The following ABL2 variants were observed in gnomAD, a reference collection of about 807,000 sequenced individuals.
ABL2 encodes ABL proto-oncogene 2, non-receptor tyrosine kinase.
In ABL2, 49 loss-of-function variants were observed where a neutral mutation model predicts 107.7. The observed-to-expected ratio is 0.45, with a 90% confidence interval of 0.36 to 0.58. ABL2 has a LOEUF of 0.58. Ranked by LOEUF, ABL2 falls within the 20% of genes least tolerant of loss-of-function variation. The pLI, the probability that ABL2 is intolerant of heterozygous loss-of-function variation, is 0.00. For synonymous variants in ABL2, 549 were observed against 548.6 expected, an observed-to-expected ratio of 1.00 and a Z score of -0.01; for missense variants, 1,245 against 1,457.0, an observed-to-expected ratio of 0.85 and a Z score of 2.37.
chr1:179,184,559 AAGG>A (rs1383440055), intron 1 of ABL2: 5 of 574,348 alleles, frequency 8.7e-6, no homozygotes, highest in Admixed American at 7.9e-5. Flanking sequence ...ATGGATGAAG[AAGG>A]AGGAGAAGAT....
At chr1:179,217,476 A>G (rs1408896446) in intron 1 of ABL2, among the ~76,000 whole-genome samples, 2 of 151,740 alleles carry the variant, frequency 1.3e-5, no homozygotes, top group Non-Finnish European at 2.9e-5. Flanking sequence ...AAACACAAAA[A>G]TTAGCCGAGT....
intron 10 of ABL2, 31 bp downstream of exon 10, chr1:179,112,278 G>A: frequency 3.8e-6 from 6 of 1,580,874 alleles, no homozygotes; most frequent in Non-Finnish European, 5.2e-6. Context: ...CCCAGAATTA[G>A]TCACCAACAG....
intron 1 of ABL2, among the ~76,000 whole-genome samples, chr1:179,202,688 A>G (rs865845939): frequency 6.6e-6 from 1 of 152,228 alleles, no homozygotes; most frequent in East Asian, 1.9e-4. Context: ...TTCTGTTAAC[A>G]TATGTCCTGT....
intron 1 of ABL2, among the ~76,000 whole-genome samples, chr1:179,198,463 T>A (rs529323038): frequency 6.6e-6 from 1 of 151,826 alleles, no homozygotes; most frequent in Non-Finnish European, 1.5e-5. Flanking sequence ...GAGGCCAAGG[T>A]AGGTGGATCA....
At position 179,104,352 on chromosome 1, in the gene ABL2, C is replaced by T. The variant is rs1275036934; in HGVS notation, c.*3366G>A. Reference sequence around the variant, plus strand: ...CTGCATCCTTTAAACTCAAAATCTCCATGACTTTAGTTAAATAAAAATGGG... The same window carrying T: ...CTGCATCCTTTAAACTCAAAATCTCTATGACTTTAGTTAAATAAAAATGGG... On this transcript the variant is annotated 3_prime_UTR_variant, in exon 12 of 12. Coordinates refer to ENST00000502732, the MANE Select transcript of ABL2 (RefSeq NM_007314.4). The T allele has an allele frequency of 8.9e-6, 2 of 224,740 alleles. No individual in the cohort carries two copies. The highest frequency in any genetic ancestry group is 4.5e-5 in the African/African-American group (2 of 44,922). 13.9% of individuals were successfully genotyped at this position (224,740 alleles called of 1,614,324 possible).
At chr1:179,116,829 C>CT (rs35259294) in intron 8 of ABL2, 185 of 146,038 alleles carry the variant, frequency 1.3e-3, no homozygotes, top group South Asian at 3.9e-3. Flanking sequence ...CTTCTTTATA[C>CT]TTTTTTTTTT....
At chr1:179,147,442 A>G (rs1327263794) in intron 1 of ABL2, among the ~76,000 whole-genome samples, 2 of 152,218 alleles carry the variant, frequency 1.3e-5, no homozygotes, top group Non-Finnish European at 2.9e-5. Context: ...TATTCACAAT[A>G]GCAAAATCAT....
chr1:179,147,001 G>A (rs748469663), intron 1 of ABL2, among the ~76,000 whole-genome samples: 53 of 151,832 alleles, frequency 3.5e-4, no homozygotes, highest in Admixed American at 7.2e-4. Context: ...GGTTGAGGCT[G>A]TAGTGAGCCA....
At position 179,149,049 on chromosome 1, in the gene ABL2, T is replaced by C. The variant is rs553337617; in HGVS notation, c.158-15675A>G. On this transcript the variant is annotated intron_variant, in intron 1 of 11. Coordinates refer to ENST00000502732, the MANE Select transcript of ABL2 (RefSeq NM_007314.4). ...TGGGCAAGAATGTCAAAAGTTGAGA[T>C]AGGCTAAAAAACTACGTCTCTCGTA... Among the ~76,000 whole-genome samples, 5 of 152,278 alleles carry C rather than the reference T, an allele frequency of 3.3e-5. 1 individual carries two copies. In the South Asian group the frequency reaches 1.0e-3, roughly 32 times the overall value.
chr1:179,119,816 G>A (rs1169331396), intron 6 of ABL2, among the ~76,000 whole-genome samples: 1 of 152,038 alleles, frequency 6.6e-6, no homozygotes, highest in Non-Finnish European at 1.5e-5. Context: ...TTGAATCTGG[G>A]GCAATTAGTA....
intron 1 of ABL2, among the ~76,000 whole-genome samples, chr1:179,181,365 A>AT (rs1459335729): frequency 6.6e-6 from 1 of 152,230 alleles, no homozygotes; most frequent in East Asian, 1.9e-4. Flanking sequence ...AGATAGGGAA[A>AT]TAAGTTACTA....
chr1:179,132,649 C>T (rs1250278918), intron 2 of ABL2, among the ~76,000 whole-genome samples: 1 of 150,616 alleles, frequency 6.6e-6, no homozygotes, highest in African/African-American at 2.4e-5. Flanking sequence ...GCGTGATTCT[C>T]CTGCCTCAGC....
Position 179,108,776 on chromosome 1 carries a change from C to T in ABL2, c.2491G>A (p.Asp831Asn). The T allele has an allele frequency of 1.2e-6, 2 of 1,614,202 alleles. No individual in the cohort carries two copies. The highest frequency in any genetic ancestry group is 1.3e-5 in the African/African-American group (1 of 75,046). Residue 831 changes from aspartate to asparagine, a missense_variant, in exon 12 of 12, where the codon GAC (aspartate) becomes AAC (asparagine). Around this residue, in one of 3 missense-constraint regions of ABL2, gnomAD observed 761 missense variants for 766.4 expected, o/e 0.99. Coordinates refer to ENST00000502732, the MANE Select transcript of ABL2 (RefSeq NM_007314.4). The part of the protein sequence containing the change: ...QPEENVDRAN[D>N]MLPKKSEESA... ...TCCTCTGATTTTTTTGGAAGCATGTCATTGGCCCTGTCCACATTCTCTTCT... is the reference window on the plus strand; with the variant it reads ...TCCTCTGATTTTTTTGGAAGCATGTTATTGGCCCTGTCCACATTCTCTTCT...
At chr1:179,115,477 T>C (rs889613822) in intron 8 of ABL2, among the ~76,000 whole-genome samples, 1 of 152,206 alleles carries the variant, frequency 6.6e-6, no homozygotes, top group African/African-American at 2.4e-5. Flanking sequence ...AAGTTTTAAA[T>C]TGCATGCTGC....
chr1:179,133,572 G>A (rs1268112919), intron 1 of ABL2, among the ~76,000 whole-genome samples, 198 bp from the exon 2 acceptor site: 1 of 151,972 alleles, frequency 6.6e-6, no homozygotes, highest in Non-Finnish European at 1.5e-5. Context: ...CCATCTTCTG[G>A]CCTTGGTTCA....
chr1:179,165,878 C>T (rs1269370694), intron 1 of ABL2, among the ~76,000 whole-genome samples: 1 of 151,954 alleles, frequency 6.6e-6, no homozygotes, highest in Admixed American at 6.6e-5. Flanking sequence ...TCACTGCAAC[C>T]TCTGCCTCCT....
intron 1 of ABL2, among the ~76,000 whole-genome samples, chr1:179,181,908 G>C (rs1031564403): frequency 6.8e-6 from 1 of 148,148 alleles, no homozygotes; most frequent in Non-Finnish European, 1.5e-5. Context: ...AACCTCCTGA[G>C]TAGCCGGGAC....
intron 1 of ABL2, among the ~76,000 whole-genome samples, chr1:179,216,046 T>A (rs1167763225): frequency 6.6e-6 from 1 of 152,210 alleles, no homozygotes; most frequent in East Asian, 1.9e-4. Flanking sequence ...TTTGAACACT[T>A]CTTCTCCCTA....
chr1:179,148,698 G>A (rs1051509642), intron 1 of ABL2, among the ~76,000 whole-genome samples: 8 of 152,034 alleles, frequency 5.3e-5, no homozygotes. Context: ...TCAGGAGTTC[G>A]AGACCAGCCT....
Sources: allele counts gnomAD v4.1 joint callset (sites outside exome capture counted in the v4.1 genomes callset), GRCh38; gene constraint gnomAD v4.1.1; regional missense constraint gnomAD v4.1.1; transcripts MANE v1.5; gene names NCBI Gene and HGNC (gene_info 2026-07-23, HGNC 2026-07-21).